The following FAM227B variants were observed in gnomAD, a reference collection of about 807,000 sequenced individuals.
The protein encoded by FAM227B is protein FAM227B.
A neutral mutation model predicts 73.8 loss-of-function variants in FAM227B; 88 were observed. The observed-to-expected ratio is 1.19, with a 90% confidence interval of 1.00 to 1.42. The LOEUF (loss-of-function observed/expected upper bound fraction) is 1.42. Among genes scored for constraint, FAM227B ranks in the 40% most tolerant of loss-of-function variants. The probability of loss-of-function intolerance (pLI) is 0.00; values close to 1 mark genes in which losing one functional copy is unlikely to be tolerated. For synonymous variants in FAM227B, 210 were observed against 190.5 expected, an observed-to-expected ratio of 1.10 and a Z score of -0.84; for missense variants, 632 against 590.9, an observed-to-expected ratio of 1.07 and a Z score of -0.72.
intron 11 of FAM227B, among the ~76,000 whole-genome samples, chr15:49,467,265 T>G (rs936577383): frequency 6.6e-6 from 1 of 152,168 alleles, no homozygotes; most frequent in Non-Finnish European, 1.5e-5. Flanking sequence ...AAAACGTTAA[T>G]GAAAGTTTCT....
intron 11 of FAM227B, among the ~76,000 whole-genome samples, chr15:49,457,575 T>G (rs2053425336): frequency 1.3e-5 from 2 of 151,972 alleles, no homozygotes; most frequent in African/African-American, 4.8e-5. Context: ...ACTTTTCTAC[T>G]TCCATTTCTC....
At chr15:49,424,867 A>G (rs1258948066) in intron 11 of FAM227B, 1 of 212,096 alleles carries the variant, frequency 4.7e-6, no homozygotes, top group Non-Finnish European at 9.3e-6. Context: ...TGTAAATAAT[A>G]TTATTCACAC....
At chr15:49,531,635 C>T (rs930368726) in intron 10 of FAM227B, among the ~76,000 whole-genome samples, 8 of 151,910 alleles carry the variant, frequency 5.3e-5, no homozygotes, top group African/African-American at 1.9e-4. Flanking sequence ...ATGTCTCATG[C>T]TTTTGTTGTT....
chr15:49,580,925 CACAA>C (rs1438951171), intron 5 of FAM227B, among the ~76,000 whole-genome samples: 1 of 152,046 alleles, frequency 6.6e-6, no homozygotes, highest in African/African-American at 2.4e-5. Flanking sequence ...AACTCAGTCA[CACAA>C]AAATAAATAA....
At chr15:49,348,621 G>T (rs1021350155) in intron 13 of FAM227B, among the ~76,000 whole-genome samples, 10 of 152,302 alleles carry the variant, frequency 6.6e-5, no homozygotes, top group African/African-American at 2.4e-4. Context: ...TGGTAATAGA[G>T]TAGGTTTTGT....
At chr15:49,508,402 TTTTAA>T in intron 10 of FAM227B, 54 bp from the exon 11 acceptor site, 7 of 1,418,434 alleles carry the variant, frequency 4.9e-6, no homozygotes, top group Non-Finnish European at 6.7e-6. Context: ...TGAAAATACC[TTTTAA>T]TTTGTCAAAG....
chr15:49,458,679 A>G (rs1447237494), intron 11 of FAM227B, among the ~76,000 whole-genome samples: 1 of 152,150 alleles, frequency 6.6e-6, no homozygotes, highest in Non-Finnish European at 1.5e-5. Flanking sequence ...TCAGAAAACA[A>G]AACTCAAAAT....
intron 11 of FAM227B, among the ~76,000 whole-genome samples, chr15:49,400,564 C>A (rs1195078112): frequency 1.4e-5 from 1 of 73,340 alleles, no homozygotes; most frequent in Non-Finnish European, 2.9e-5. Flanking sequence ...GCCAAAAGAA[C>A]AAAGCTGGAG....
At chr15:49,353,712 T>C (rs1056034446) in intron 13 of FAM227B, 2 of 151,638 alleles carry the variant, frequency 1.3e-5, no homozygotes, top group Non-Finnish European at 2.9e-5. Context: ...TTAGAAGGAC[T>C]GAGGGAAAAA....
chr15:49,541,627 C>A, intron 10 of FAM227B, 53 bp downstream of exon 10: 1 of 1,326,116 alleles, frequency 7.5e-7, no homozygotes, highest in Non-Finnish European at 9.7e-7. Context: ...TACTGCAACC[C>A]CAAAATTTTA....
At chr15:49,518,417 G>GA (rs1454259727) in intron 10 of FAM227B, among the ~76,000 whole-genome samples, 2 of 152,220 alleles carry the variant, frequency 1.3e-5, no homozygotes, top group African/African-American at 2.4e-5. Context: ...ACTGTTGGGA[G>GA]AACACTGTAT....
chr15:49,499,182 A>C (rs1049736482), intron 11 of FAM227B, among the ~76,000 whole-genome samples: 14 of 150,650 alleles, frequency 9.3e-5, no homozygotes, highest in Admixed American at 4.6e-4. Flanking sequence ...AAAAAAAAAA[A>C]AAAAAAAAGA....
chr15:49,589,676 G>A (rs1598412540), intron 4 of FAM227B, 100 bp downstream of exon 4: 5 of 720,320 alleles, frequency 6.9e-6, no homozygotes, highest in South Asian at 6.7e-5. Context: ...ACTTTTGGAG[G>A]GTGACTCAGG....
chr15:49,614,899 A>T (rs575244851), intron 2 of FAM227B: 2 of 521,466 alleles, frequency 3.8e-6, no homozygotes, highest in Admixed American at 6.2e-5. Context: ...TGGATTTGAG[A>T]CTGATCTCCC....
chr15:49,612,313 A>T (rs1447669224), intron 2 of FAM227B, among the ~76,000 whole-genome samples: 2 of 152,038 alleles, frequency 1.3e-5, no homozygotes, highest in Non-Finnish European at 2.9e-5. Context: ...TCATTGTTCA[A>T]TTCCCACCTA....
At chr15:49,593,803 T>C (rs139312575) in intron 3 of FAM227B, among the ~76,000 whole-genome samples, 1 of 152,368 alleles carries the variant, frequency 6.6e-6, no homozygotes, top group Non-Finnish European at 1.5e-5. Context: ...TTCTATGGTA[T>C]ATGTACACCA....
intron 10 of FAM227B, among the ~76,000 whole-genome samples, chr15:49,535,607 T>C (rs1198647287): frequency 1.3e-5 from 2 of 151,738 alleles, no homozygotes; most frequent in South Asian, 2.1e-4. Context: ...CAGACAGAGA[T>C]ATTACAAGAA....
At chr15:49,474,784 T>A (rs1250279715) in intron 11 of FAM227B, among the ~76,000 whole-genome samples, 4 of 152,018 alleles carry the variant, frequency 2.6e-5, no homozygotes, top group African/African-American at 4.8e-5. Flanking sequence ...TGAACCCTAT[T>A]GTGAACTGCA....
chr15:49,363,489 G>T (rs1484748163), intron 13 of FAM227B, among the ~76,000 whole-genome samples: 1 of 152,194 alleles, frequency 6.6e-6, no homozygotes, highest in African/African-American at 2.4e-5. Context: ...CTGAAACTTT[G>T]CTGAAGTTGT....
Sources: gnomAD v4.1 joint callset for allele counts (sites outside exome capture counted in the v4.1 genomes callset) on GRCh38, gnomAD v4.1.1 for gene constraint, MANE v1.5 for transcripts, NCBI Gene and HGNC (gene_info 2026-07-23, HGNC 2026-07-21) for gene names.